IL33: variants seen among roughly 807,000 people sequenced by gnomAD.
The protein encoded by IL33 is interleukin 33.
Under a neutral mutation model 27.3 loss-of-function variants are expected in IL33, and 37 were observed. The ratio of observed to expected loss-of-function variants is 1.36; its 90% CI spans 1.04 to 1.78. IL33 has a LOEUF of 1.78. IL33 is among the 40% of genes most tolerant of loss of function. The pLI, the probability that IL33 is intolerant of heterozygous loss-of-function variation, is 0.00. For missense variants in IL33, 406 were observed against 311.4 expected (o/e 1.30, Z -2.29); for synonymous variants, 132 against 102.9 (o/e 1.28, Z -1.71).
At chr9:6,245,820 T>C (rs934478393) in intron 2 of IL33, among the ~76,000 whole-genome samples, 1 of 151,988 alleles carries the variant, frequency 6.6e-6, no homozygotes, top group Non-Finnish European at 1.5e-5. Flanking sequence ...CCCAGAACTT[T>C]GGGAGGCTGA....
intron 1 of IL33, among the ~76,000 whole-genome samples, chr9:6,221,386 A>C (rs1437163298): frequency 6.6e-6 from 1 of 152,190 alleles, no homozygotes; most frequent in Non-Finnish European, 1.5e-5. Flanking sequence ...CGTGCCTAGG[A>C]CCTGACAGGT....
upstream of IL33, among the ~76,000 whole-genome samples, chr9:6,215,562 A>G (rs1378075725): frequency 6.6e-6 from 1 of 152,236 alleles, no homozygotes; most frequent in East Asian, 1.9e-4. Context: ...TTCAACTCCA[A>G]AGAGAGCCAA....
intron 1 of IL33, among the ~76,000 whole-genome samples, chr9:6,228,512 T>G (rs1043569508): frequency 7.5e-5 from 11 of 146,302 alleles, no homozygotes; most frequent in Non-Finnish European, 1.4e-4. Flanking sequence ...TTCCATGTTG[T>G]TTTTTTTTTT....
intron 4 of IL33, 22 bp from the exon 5 acceptor site, chr9:6,252,844 A>G: frequency 1.3e-6 from 2 of 1,591,934 alleles, no homozygotes; most frequent in Non-Finnish European, 1.7e-6. Context: ...TGCCTGACAA[A>G]TTTTTGAATT....
At chr9:6,239,537 T>C (rs1819411853) in intron 1 of IL33, among the ~76,000 whole-genome samples, 1 of 151,984 alleles carries the variant, frequency 6.6e-6, no homozygotes, top group South Asian at 2.1e-4. Context: ...AAGTACCCCC[T>C]CCCCACTAGC....
At chr9:6,254,372 T>A (rs2130464980) in intron 6 of IL33, 90 bp from the exon 7 acceptor site, 1 of 742,788 alleles carries the variant, frequency 1.3e-6, no homozygotes, top group Non-Finnish European at 2.1e-6. Flanking sequence ...TTATGTAACA[T>A]CTTAGACTTT....
chr9:6,224,664 C>G (rs551794937), intron 1 of IL33, among the ~76,000 whole-genome samples: 1 of 152,174 alleles, frequency 6.6e-6, no homozygotes, highest in Non-Finnish European at 1.5e-5. Flanking sequence ...TGCTCTCCTA[C>G]TTTTTGGCAT....
intron 1 of IL33, among the ~76,000 whole-genome samples, chr9:6,234,038 C>A (rs1413070360): frequency 6.6e-6 from 1 of 152,206 alleles, no homozygotes; most frequent in Non-Finnish European, 1.5e-5. Context: ...TCTTAGCCTT[C>A]ATAATATGAA....
intron 1 of IL33, among the ~76,000 whole-genome samples, chr9:6,222,096 G>T (rs147581264): frequency 6.6e-6 from 1 of 152,160 alleles, no homozygotes; most frequent in South Asian, 2.1e-4. Flanking sequence ...TTAGATCACC[G>T]CACAAGGCAG....
intron 2 of IL33, among the ~76,000 whole-genome samples, chr9:6,243,827 GA>G (rs1819672793): frequency 6.6e-6 from 1 of 152,166 alleles, no homozygotes; most frequent in Admixed American, 6.5e-5. Flanking sequence ...TTTAAGGCTA[GA>G]AAAGAAAGCA....
At position 6,257,573 on chromosome 9, in the gene IL33, A is replaced by G. The variant is rs368374367; in HGVS notation, c.*1405A>G. On this transcript the variant is annotated 3_prime_UTR_variant, in exon 8 of 8. Coordinates refer to ENST00000682010, the MANE Select transcript of IL33 (RefSeq NM_033439.4). ...ACTAAAGGAGTAGTTTTTATTTTAA[A>G]GTCTTAGCAATTTCTATTACAACTT... 31 of 152,760 alleles carry G rather than the reference A, an allele frequency of 2.0e-4. 1 individual carries two copies. Among genetic ancestry groups the G allele is most frequent in the East Asian group, 1.9e-3 (10 of 5,194 alleles). 9.5% of individuals were successfully genotyped at this position (152,760 alleles called of 1,614,324 possible).
intron 7 of IL33, among the ~76,000 whole-genome samples, chr9:6,255,421 A>G (rs556485869): frequency 1.3e-5 from 2 of 152,276 alleles, no homozygotes; most frequent in African/African-American, 4.8e-5. Context: ...GAGCTCTATT[A>G]TATAGCAAGC....
intron 5 of IL33, 81 bp from the exon 6 acceptor site, chr9:6,253,471 T>C: frequency 1.1e-6 from 1 of 917,228 alleles, no homozygotes; most frequent in Non-Finnish European, 1.7e-6. Context: ...GGAGGATATT[T>C]TCTGATGTTA....
At chr9:6,234,681 T>C (rs1003568631) in intron 1 of IL33, among the ~76,000 whole-genome samples, 5 of 152,208 alleles carry the variant, frequency 3.3e-5, no homozygotes, top group African/African-American at 1.2e-4. Flanking sequence ...CCATTAACAT[T>C]GCCCTCACTA....
In IL33 at chr9:6,253,613, G is replaced by C. The variant is rs73639588; in HGVS notation, c.520+11G>C. On this transcript the variant is annotated intron_variant, in intron 6 of 7. Transcript: ENST00000682010. Reference sequence around the variant, plus strand: ...CCTCAAATGAATCAGGTAATTTGGAGGGCTGGGTAGCTGTAGTGCTTGAAT... The same window carrying C: ...CCTCAAATGAATCAGGTAATTTGGACGGCTGGGTAGCTGTAGTGCTTGAAT... The C allele has an allele frequency of 3.3e-3, 5,209 of 1,601,706 alleles. 150 individuals carry two copies. The African/African-American group carries it at 0.06, about 18-fold the overall frequency.
At chr9:6,246,172 G>A (rs1472516405) in intron 2 of IL33, among the ~76,000 whole-genome samples, 1 of 148,844 alleles carries the variant, frequency 6.7e-6, no homozygotes, top group African/African-American at 2.5e-5. Context: ...ATTGGGGGCA[G>A]AAAAAGATAA....
intron 1 of IL33, among the ~76,000 whole-genome samples, chr9:6,228,506 A>C (rs1436643815): frequency 6.6e-6 from 1 of 151,710 alleles, no homozygotes; most frequent in Non-Finnish European, 1.5e-5. Context: ...TCTATGTTCC[A>C]TGTTGTTTTT....
chr9:6,231,248 G>T (rs1360749687), intron 1 of IL33, among the ~76,000 whole-genome samples: 1 of 152,134 alleles, frequency 6.6e-6, no homozygotes, highest in African/African-American at 2.4e-5. Context: ...AATGCACTCT[G>T]AATGAAATCC....
chr9:6,225,359 A>T (rs988688283), intron 1 of IL33, among the ~76,000 whole-genome samples: 1 of 152,196 alleles, frequency 6.6e-6, no homozygotes, highest in African/African-American at 2.4e-5. Context: ...TGAATAAAGA[A>T]ATGGCAGCAG....
Sources: gnomAD v4.1 joint callset for allele counts (sites outside exome capture counted in the v4.1 genomes callset) on GRCh38, gnomAD v4.1.1 for gene constraint, MANE v1.5 for transcripts, NCBI Gene and HGNC (gene_info 2026-07-23, HGNC 2026-07-21) for gene names.